The following SIK3 variants were observed in gnomAD, a reference collection of about 807,000 sequenced individuals.
The protein encoded by SIK3 is serine/threonine-protein kinase SIK3.
A neutral mutation model predicts 144.2 loss-of-function variants in SIK3; 28 were observed. That is an observed-to-expected ratio of 0.19 (90% CI 0.14 to 0.27). The LOEUF (loss-of-function observed/expected upper bound fraction) is 0.27, where lower values mean the gene tolerates loss of function less well. Ranked by LOEUF, SIK3 falls within the 10% of genes least tolerant of loss-of-function variation. SIK3 has a pLI of 1.00. For synonymous variants in SIK3, 686 were observed against 676.3 expected, an observed-to-expected ratio of 1.01 and a Z score of -0.22; for missense variants, 1,319 against 1,776.0, an observed-to-expected ratio of 0.74 and a Z score of 4.62.
intron 1 of SIK3, among the ~76,000 whole-genome samples, chr11:117,074,544 C>T (rs1472874416): frequency 6.6e-6 from 1 of 152,170 alleles, no homozygotes; most frequent in Non-Finnish European, 1.5e-5. Context: ...TAGCAAGTTT[C>T]TATTATGACA....
At chr11:116,932,185 G>T (rs1203684144) in intron 3 of SIK3, among the ~76,000 whole-genome samples, 1 of 152,094 alleles carries the variant, frequency 6.6e-6, no homozygotes, top group Non-Finnish European at 1.5e-5. Context: ...TCATTTAACA[G>T]CAACTACCTC....
At chr11:116,987,858 AAC>A (rs1950373743) in intron 1 of SIK3, among the ~76,000 whole-genome samples, 1 of 152,206 alleles carries the variant, frequency 6.6e-6, no homozygotes, top group Non-Finnish European at 1.5e-5. Flanking sequence ...GGTAAGTTGA[AAC>A]ACATGCAAAT....
intron 4 of SIK3, among the ~76,000 whole-genome samples, chr11:116,907,140 T>C (rs1018424796): frequency 2.6e-5 from 4 of 152,228 alleles, no homozygotes; most frequent in African/African-American, 9.6e-5. Flanking sequence ...TATTACCTCA[T>C]TGAGATGAGC....
chr11:116,872,061 T>C (rs1199386213), intron 13 of SIK3, among the ~76,000 whole-genome samples: 5 of 151,840 alleles, frequency 3.3e-5, no homozygotes, highest in Non-Finnish European at 7.4e-5. Flanking sequence ...GGGCCTAGGA[T>C]AAAACTCTGG....
intron 1 of SIK3, among the ~76,000 whole-genome samples, chr11:117,041,483 C>A (rs1952740526): frequency 6.6e-6 from 1 of 152,134 alleles, no homozygotes; most frequent in Admixed American, 6.6e-5. Flanking sequence ...AAAAAAAATC[C>A]TTTTCCTCCT....
intron 1 of SIK3, among the ~76,000 whole-genome samples, chr11:116,988,206 T>A (rs955085784): frequency 6.6e-6 from 1 of 151,498 alleles, no homozygotes; most frequent in Admixed American, 6.6e-5. Flanking sequence ...GCTAACACCA[T>A]GAAACCCCGT....
intron 3 of SIK3, among the ~76,000 whole-genome samples, chr11:116,938,259 AGAGAGGAGAG>A (rs1188897295): frequency 0.027 from 332 of 12,346 alleles, 12 homozygotes; most frequent in African/African-American, 0.098. Flanking sequence ...AGAGGGGAGA[AGAGAGGAGAG>A]GAGAGGAGAG....
chr11:117,013,846 T>C (rs112934567), intron 1 of SIK3, among the ~76,000 whole-genome samples: 1,288 of 116,832 alleles, frequency 0.011, 23 homozygotes, highest in African/African-American at 0.038. Flanking sequence ...ATCACAAAGG[T>C]GGTGTCACAG....
intron 21 of SIK3, among the ~76,000 whole-genome samples, chr11:116,856,096 C>T (rs1942895300): frequency 6.6e-6 from 1 of 151,126 alleles, no homozygotes; most frequent in Admixed American, 6.6e-5. Flanking sequence ...ACTCGGGAGG[C>T]TGAGGCAGGA....
intron 1 of SIK3, among the ~76,000 whole-genome samples, chr11:117,062,988 C>A (rs1327243608): frequency 6.6e-6 from 1 of 152,168 alleles, no homozygotes; most frequent in Non-Finnish European, 1.5e-5. Context: ...ATATTAAATT[C>A]TTTTGCTGCA....
At chr11:116,878,977 A>G (rs1944405499) in intron 6 of SIK3, among the ~76,000 whole-genome samples, 1 of 152,162 alleles carries the variant, frequency 6.6e-6, no homozygotes, top group Non-Finnish European at 1.5e-5. Flanking sequence ...TTGGGAAACC[A>G]TCTTGTTTAT....
intron 1 of SIK3, among the ~76,000 whole-genome samples, chr11:117,000,509 C>A (rs1950812189): frequency 6.6e-6 from 1 of 152,164 alleles, no homozygotes; most frequent in South Asian, 2.1e-4. Context: ...AGGGGAATAT[C>A]AATTCTGTCT....
In SIK3 at chr11:116,867,058, C is replaced by T. The variant is rs1943686233; in HGVS notation, c.1952+888G>A. 6.6e-6 allele frequency among the ~76,000 whole-genome samples: 1 copy of T among 152,178 alleles called. No homozygotes were observed. Among genetic ancestry groups the T allele is most frequent in the Non-Finnish European group, 1.5e-5 (1 of 68,036 alleles). The stretch of plus-strand genomic sequence containing the variant: ...CCAGTGCAAGCTGGCTGCAAGATTT[C>T]ATAACACCACATATATAAACCTAGT... On this transcript the variant is annotated intron_variant, in intron 15 of 24. Transcript: ENST00000445177. This position sits in a 1 kb window ranked among gnomAD's most constrained non-coding sequence, Gnocchi z 4.1.
intron 4 of SIK3, among the ~76,000 whole-genome samples, chr11:116,918,467 C>G (rs1312447452): frequency 2.0e-5 from 3 of 152,140 alleles, no homozygotes; most frequent in Admixed American, 6.6e-5. Flanking sequence ...TTTCTATTCC[C>G]AACCTCTCAT....
intron 3 of SIK3, among the ~76,000 whole-genome samples, chr11:116,938,483 G>GGAGAGGA (rs1246895668): frequency 3.9e-5 from 2 of 51,508 alleles, no homozygotes; most frequent in Non-Finnish European, 7.7e-5. Flanking sequence ...GGAGAGGAGA[G>GGAGAGGA]GAGAAGAGAA....
intron 1 of SIK3, among the ~76,000 whole-genome samples, chr11:117,062,503 A>G (rs141959454): frequency 6.6e-6 from 1 of 152,310 alleles, no homozygotes; most frequent in East Asian, 1.9e-4. Context: ...ATAACACCAA[A>G]TATCGGCCCA....
intron 1 of SIK3, among the ~76,000 whole-genome samples, chr11:116,969,439 A>T (rs1949690585): frequency 2.0e-5 from 3 of 152,154 alleles, no homozygotes; most frequent in South Asian, 4.2e-4. Context: ...AGAAGGAAGT[A>T]AAATGTTAAT....
At chr11:117,068,294 T>C (rs190289093) in intron 1 of SIK3, among the ~76,000 whole-genome samples, 14 of 152,230 alleles carry the variant, frequency 9.2e-5, no homozygotes, top group East Asian at 3.9e-4. Flanking sequence ...AATGACCCCA[T>C]CCTACCCATC....
intron 3 of SIK3, among the ~76,000 whole-genome samples, chr11:116,932,357 C>A (rs1947661265): frequency 6.6e-6 from 1 of 152,176 alleles, no homozygotes; most frequent in African/African-American, 2.4e-5. Context: ...CCAGTTTCCG[C>A]CAATGGTTAA....
Sources: gnomAD v4.1 joint callset for allele counts (sites outside exome capture counted in the v4.1 genomes callset) on GRCh38, gnomAD v4.1.1 for gene constraint, Gnocchi (gnomAD v3.1) non-coding constraint, MANE v1.5 for transcripts, NCBI Gene and HGNC (gene_info 2026-07-23, HGNC 2026-07-21) for gene names.